Variants in PHF14 observed in about 807,000 individuals in gnomAD.
PHF14 encodes the protein PHD finger protein 14.
Under a neutral mutation model 117.9 loss-of-function variants are expected in PHF14, and 55 were observed. The ratio of observed to expected loss-of-function variants is 0.47; its 90% CI spans 0.38 to 0.58. PHF14 has a LOEUF of 0.58. PHF14 is among the 20% of genes least tolerant of loss of function. The pLI, the probability that PHF14 is intolerant of heterozygous loss-of-function variation, is 0.00. For missense variants in PHF14, 978 were observed against 1,122.2 expected (o/e 0.87, Z 1.84); for synonymous variants, 409 against 368.6 (o/e 1.11, Z -1.26).
intron 13 of PHF14, among the ~76,000 whole-genome samples, chr7:11,045,085 A>G (rs2128324725): frequency 6.6e-6 from 1 of 152,274 alleles, no homozygotes; most frequent in East Asian, 1.9e-4. Context: ...CTGTGATGCC[A>G]TGTTGATAAT....
At chr7:11,125,862 C>T (rs577475810) in intron 17 of PHF14, among the ~76,000 whole-genome samples, 3 of 152,084 alleles carry the variant, frequency 2.0e-5, no homozygotes, top group Non-Finnish European at 2.9e-5. Context: ...GAAATTAAGT[C>T]GGTTTTTTGT....
At chr7:11,077,620 AAGAC>A (rs1785915154) in intron 16 of PHF14, among the ~76,000 whole-genome samples, 1 of 151,380 alleles carries the variant, frequency 6.6e-6, no homozygotes, top group Non-Finnish European at 1.5e-5. Context: ...AAAAAAAAAA[AAGAC>A]AGATTCAAGC....
chr7:11,050,051 G>A (rs1005200285), intron 13 of PHF14, among the ~76,000 whole-genome samples: 5 of 152,006 alleles, frequency 3.3e-5, no homozygotes, highest in East Asian at 1.9e-4. Context: ...AAATTAATAC[G>A]TTAAGGATTA....
At chr7:11,116,230 G>C (rs1787598840) in intron 17 of PHF14, among the ~76,000 whole-genome samples, 1 of 151,960 alleles carries the variant, frequency 6.6e-6, no homozygotes, top group South Asian at 2.1e-4. Flanking sequence ...TCTTGCCGAA[G>C]GTCTTCCAGG....
At chr7:11,102,876 T>C in intron 16 of PHF14, 1 of 1,136,688 alleles carries the variant, frequency 8.8e-7, no homozygotes, top group Non-Finnish European at 1.1e-6. Flanking sequence ...CTTGCTTCTT[T>C]GGCAAATGTT....
rs188722164 is a variant in PHF14 at position 11,063,621 on chromosome 7, T to C, written c.2654+1536T>C. 171 of 977,228 alleles carry C rather than the reference T, an allele frequency of 1.7e-4. 1 individual carries two copies. In the African/African-American group the frequency reaches 2.8e-3, roughly 16 times the overall value. The allele number at this position is 977,228 out of a possible 1,614,324, so 60.5% of individuals were successfully genotyped here. The stretch of plus-strand genomic sequence containing the variant: ...TTTTTTTTTTTTAATATGAGATTGA[T>C]TGAGGCCTTTTTGCTGTAGGACTTA... On this transcript the variant is annotated intron_variant, in intron 16 of 17. Transcript: ENST00000634607.
rs568368185 is a variant in PHF14 at position 11,082,302 on chromosome 7, C to T, written c.2654+20217C>T. Among the ~76,000 whole-genome samples, 6 of 152,288 alleles carry T rather than the reference C, an allele frequency of 3.9e-5. No homozygotes were observed. The East Asian group carries it at 1.2e-3, about 29-fold the overall frequency. ...TATTGAGGCTGCAGTGAGCCATGAT[C>T]ACGTCACTGTACTCCAGCCTGGGCA... On this transcript the variant is annotated intron_variant, in intron 16 of 17. Transcript: ENST00000634607.
At chr7:11,033,108 G>C (rs1784177988) in intron 7 of PHF14, among the ~76,000 whole-genome samples, 1 of 152,184 alleles carries the variant, frequency 6.6e-6, no homozygotes, top group African/African-American at 2.4e-5. Context: ...TTCCCTTTCT[G>C]TCTTCCACTG....
chr7:11,006,837 G>A, intron 4 of PHF14: 2 of 691,510 alleles, frequency 2.9e-6, no homozygotes, highest in Non-Finnish European at 5.2e-6. Flanking sequence ...GCTTTAGGAG[G>A]GACAGGAGCT....
intron 17 of PHF14, among the ~76,000 whole-genome samples, chr7:11,153,364 T>C (rs369705160): frequency 9.2e-5 from 14 of 152,156 alleles, no homozygotes; most frequent in African/African-American, 1.9e-4. Flanking sequence ...CTGAGTCTTA[T>C]AGACCAAGTG....
At chr7:11,028,656 G>T (rs1784012214) in intron 6 of PHF14, 25 bp from the exon 7 acceptor site, 1 of 1,611,858 alleles carries the variant, frequency 6.2e-7, no homozygotes, top group Non-Finnish European at 8.5e-7. Context: ...TTTGCTTTGA[G>T]AATTTTTCTG....
At chr7:11,006,857 T>G in intron 4 of PHF14, 1 of 631,564 alleles carries the variant, frequency 1.6e-6, no homozygotes, top group Non-Finnish European at 3.0e-6. Context: ...TTCCTTCACT[T>G]TCGGCACTGT....
Position 10,983,066 on chromosome 7 carries a change from G to A in PHF14, c.807G>A (p.Lys269=), listed in dbSNP as rs1235639078. The A allele has an allele frequency of 1.9e-6, 3 of 1,595,284 alleles. No homozygotes were observed. In the East Asian group the frequency reaches 6.7e-5, roughly 36 times the overall value. ...HSSPASEGGC[K]KKKSKVLSRN... ...GCCCTGCCAGTGAAGGGGGTTGCAA[G>A]AAGAAGAAGAGTAAAGTTCTTAGCA... The change falls in exon 3 of 18, where the codon AAG becomes AAA. Residue 269 remains lysine (K), a synonymous_variant. Coordinates refer to ENST00000634607, the MANE Select transcript of PHF14 (RefSeq NM_001007157.2).
At chr7:11,055,062 A>G (rs941994243) in intron 14 of PHF14, among the ~76,000 whole-genome samples, 1 of 152,074 alleles carries the variant, frequency 6.6e-6, no homozygotes, top group Non-Finnish European at 1.5e-5. Flanking sequence ...CATTCTTCTT[A>G]TGTTTCATCA....
intron 5 of PHF14, among the ~76,000 whole-genome samples, chr7:11,014,691 A>C (rs1783466149): frequency 6.6e-6 from 1 of 152,170 alleles, no homozygotes; most frequent in Non-Finnish European, 1.5e-5. Flanking sequence ...TCCCTCTACC[A>C]TTGAGCTTAG....
intron 14 of PHF14, among the ~76,000 whole-genome samples, chr7:11,053,391 A>C (rs1378123324): frequency 1.3e-5 from 2 of 151,888 alleles, no homozygotes; most frequent in Non-Finnish European, 2.9e-5. Context: ...TGTAGTTTCA[A>C]CTGTTTATAA....
intron 16 of PHF14, chr7:11,110,045 A>G (rs1030650983): frequency 1.3e-5 from 2 of 151,826 alleles, no homozygotes; most frequent in Non-Finnish European, 2.9e-5. Flanking sequence ...TGATTCCCCA[A>G]ATGAGTTTTT....
chr7:11,015,488 C>A (rs537473238), intron 5 of PHF14, among the ~76,000 whole-genome samples: 2 of 152,186 alleles, frequency 1.3e-5, no homozygotes, highest in South Asian at 4.1e-4. Context: ...CTAAGTTGGG[C>A]CTGAGAGTGG....
chr7:11,125,787 A>G (rs1346741650), intron 17 of PHF14, among the ~76,000 whole-genome samples: 1 of 152,046 alleles, frequency 6.6e-6, no homozygotes, highest in African/African-American at 2.4e-5. Flanking sequence ...CCTAAGATAC[A>G]ACCTATTTTA....
Sources: allele counts gnomAD v4.1 joint callset (sites outside exome capture counted in the v4.1 genomes callset), GRCh38; gene constraint gnomAD v4.1.1; transcripts MANE v1.5; gene names NCBI Gene and HGNC (gene_info 2026-07-23, HGNC 2026-07-21).